The following SBF1 variants were observed in gnomAD, a reference collection of about 807,000 sequenced individuals.
The protein encoded by SBF1 is myotubularin-related protein 5.
SBF1 carries 65 observed loss-of-function variants against 215.8 expected under a neutral mutation model. That is an observed-to-expected ratio of 0.30 (90% CI 0.25 to 0.37). The LOEUF (loss-of-function observed/expected upper bound fraction) is 0.37, where lower values mean the gene tolerates loss of function less well. SBF1 is among the 10% of genes least tolerant of loss of function. The probability of loss-of-function intolerance (pLI) is 1.00; values close to 1 mark genes in which losing one functional copy is unlikely to be tolerated. For missense variants in SBF1, 2,634 were observed against 2,667.8 expected, an observed-to-expected ratio of 0.99 and a Z score of 0.28; for synonymous variants, 1,410 against 1,122.8, an observed-to-expected ratio of 1.26 and a Z score of -5.11.
rs537717966 is a variant in SBF1 at position 50,456,282 on chromosome 22, G to T, written c.4200C>A (p.Cys1400Ter). 1 of 1,612,772 alleles carries T rather than the reference G, an allele frequency of 6.2e-7. No homozygotes were observed. Among genetic ancestry groups the T allele is most frequent in the South Asian group, 1.1e-5 (1 of 90,994 alleles). ...KKLLKACVPG[C>*]PAAEPSPASF... The stretch of plus-strand genomic sequence containing the variant: ...AGGCTGGGCTGGGCTCAGCAGCGGG[G>T]CAGCCTGGGACACATGCTTTCAGCA... Residue 1400 changes from cysteine (C) to a stop codon, truncating the protein, a stop_gained, in exon 31 of 41, where the codon TGC becomes TGA. Coordinates refer to ENST00000380817, the MANE Select transcript of SBF1 (RefSeq NM_002972.4). LOFTEE classifies it high-confidence loss of function.
intron 36 of SBF1, among the ~76,000 whole-genome samples, chr22:50,452,673 G>C (rs2067090389): frequency 7.5e-6 from 1 of 133,280 alleles, no homozygotes; most frequent in South Asian, 2.4e-4. Flanking sequence ...AGTGAACCGA[G>C]ATCGCACCAC....
chr22:50,459,936 C>T lies in SBF1; in HGVS notation c.3491+16G>A, dbSNP rs1356432462. ...TCACGTGTCCACCACCCGGGCCAGCCCTGGCCGGCCCTCACCTGCGGCAGA... is the reference window on the plus strand; with the variant it reads ...TCACGTGTCCACCACCCGGGCCAGCTCTGGCCGGCCCTCACCTGCGGCAGA... On this transcript the variant is annotated intron_variant, in intron 26 of 40. Coordinates refer to ENST00000380817, the MANE Select transcript of SBF1 (RefSeq NM_002972.4). 2 of 1,613,138 alleles carry T rather than the reference C, an allele frequency of 1.2e-6. No homozygotes were observed. The highest frequency in any genetic ancestry group is 1.7e-6 in the Non-Finnish European group (2 of 1,179,676).
Position 50,461,526 on chromosome 22 carries a change from G to C in SBF1, c.2836C>G (p.Leu946Val). 6.3e-7 allele frequency: 1 copy of C among 1,596,126 alleles called. No homozygotes were observed. Among genetic ancestry groups the C allele is most frequent in the African/African-American group, 1.3e-5 (1 of 74,768 alleles). ...GCCAGAGAGTCTGCAGGCTCACCCA[G>C]GGGGTCCGTGGGCATCCCCGTGAAG... The part of the protein sequence containing the change: ...VIFTGMPTDP[L>V]VGEQVVVRSF... The change falls in exon 22 of 41, where the codon CTG becomes GTG. Residue 946 changes from leucine to valine, a missense_variant. Physicochemically the swap from Leu to Val is conservative, Grantham distance 32 (BLOSUM62 1). Coordinates refer to ENST00000380817, the MANE Select transcript of SBF1 (RefSeq NM_002972.4).
intron 12 of SBF1, 23 bp downstream of exon 12, chr22:50,464,978 G>A (rs770644827): frequency 3.1e-6 from 5 of 1,613,894 alleles, no homozygotes; most frequent in Non-Finnish European, 3.4e-6. Flanking sequence ...GCAGGGGGCT[G>A]GGAGGGCAGG....
intron 15 of SBF1, 57 bp from the exon 16 acceptor site, chr22:50,463,489 C>T: frequency 6.7e-7 from 1 of 1,484,224 alleles, no homozygotes. Flanking sequence ...CACTCGGGGC[C>T]CTGGCAGGGA....
Position 50,460,427 on chromosome 22 carries a change from A to G in SBF1, c.3147-19T>C. ...CAGGGTTCTGAGGCCCACGAGAGTC[A>G]GCAAAGGTGAGAGGAGGAGGGACAA... On this transcript the variant is annotated intron_variant, in intron 24 of 40. Transcript: ENST00000380817. 6.2e-7 allele frequency: 1 copy of G among 1,604,588 alleles called. No homozygotes were observed. The highest frequency in any genetic ancestry group is 8.5e-7 in the Non-Finnish European group (1 of 1,173,568).
rs115010488 is a variant in SBF1, at chr22:50,461,150, G to T, written c.2967+9C>A. On this transcript the variant is annotated intron_variant, in intron 23 of 40. Coordinates refer to ENST00000380817, the MANE Select transcript of SBF1 (RefSeq NM_002972.4). The stretch of plus-strand genomic sequence containing the variant: ...GGGATGAGAGCCCCACCCGCGCACC[G>T]CGCCCCACCTGGAATGTGCAGGAGC... The T allele has an allele frequency of 5.6e-5, 89 of 1,589,492 alleles. No homozygotes were observed. Among genetic ancestry groups the T allele is most frequent in the Middle Eastern group, 4.5e-4 (2 of 4,480 alleles).
chr22:50,466,960 G>A (rs1045942399), intron 5 of SBF1: 2 of 556,768 alleles, frequency 3.6e-6, no homozygotes, highest in African/African-American at 1.9e-5. Flanking sequence ...GTGGGCGGAA[G>A]AAACAAAGAA....
intron 1 of SBF1, among the ~76,000 whole-genome samples, chr22:50,474,476 ACCAGGCCCGCGCGGCCACGCCGCCC>A (rs1357565591): frequency 2.6e-5 from 4 of 152,042 alleles, no homozygotes; most frequent in Non-Finnish European, 5.9e-5. Flanking sequence ...CCCTGCCGCC[ACCAGGCCCGCGCGGCCACGCCGCCC>A]CCAGCGGACG....
chr22:50,466,939 A>T, intron 5 of SBF1: 1 of 563,768 alleles, frequency 1.8e-6, no homozygotes, highest in Non-Finnish European at 3.1e-6. Context: ...GGGGGTAGGG[A>T]TGGGGCCTAG....
In SBF1 at chr22:50,472,803, T is replaced by C. The variant is rs139496947; in HGVS notation, c.55+1983A>G. Among the ~76,000 whole-genome samples the C allele has an allele frequency of 7.0e-4, 107 of 152,202 alleles. 2 individuals carry two copies. Among genetic ancestry groups the C allele is most frequent in the Admixed American group, 6.2e-3 (95 of 15,304 alleles). ...AGCCCATGACCAGGGTCCCAGTCTA[T>C]AGCCTTGTTCCCCTCAAGAATGAAC... is the stretch of plus-strand genomic sequence containing the variant. On this transcript the variant is annotated intron_variant, in intron 1 of 40. Transcript: ENST00000380817.
intron 15 of SBF1, 108 bp downstream of exon 15, chr22:50,464,221 G>C (rs532853575): frequency 3.2e-6 from 3 of 925,784 alleles, no homozygotes; most frequent in African/African-American, 1.6e-5. Context: ...CTGTCTGTTA[G>C]GCAGAGGAGG....
Position 50,465,027 on chromosome 22 carries a change from A to G in SBF1, c.1306T>C (p.Tyr436His). The change falls in exon 12 of 41, where the codon TAC (tyrosine) becomes CAC (histidine). Residue 436 changes from tyrosine (Y) to histidine (H), a missense_variant. Coordinates refer to ENST00000380817, the MANE Select transcript of SBF1 (RefSeq NM_002972.4). ...AGFVSERGVPYRPTDLFDELV... is the reference protein window; with the variant it reads ...AGFVSERGVPHRPTDLFDELV... The stretch of plus-strand genomic sequence containing the variant: ...TCATCGAACAGGTCCGTAGGGCGGT[A>G]TGGGACCCCACGCTCTGACACAAAG... The G allele has an allele frequency of 1.2e-6, 2 of 1,613,972 alleles. No individual in the cohort carries two copies. The highest frequency in any genetic ancestry group is 2.2e-5 in the South Asian group (2 of 91,082).
intron 1 of SBF1, among the ~76,000 whole-genome samples, chr22:50,471,942 C>CA (rs1372226113): frequency 2.0e-5 from 3 of 152,254 alleles, no homozygotes; most frequent in Non-Finnish European, 2.9e-5. Flanking sequence ...CCCCTCCTCC[C>CA]AGGCAGATGC....
rs1342077519 is a variant in SBF1, at chr22:50,459,392, C to T, written c.3689G>A (p.Gly1230Asp). Residue 1230 changes from glycine (G) to aspartate (D), a missense_variant and splice_region_variant, in exon 28 of 41, where the codon GGC (glycine) becomes GAC (aspartate). Physicochemically the swap from Gly to Asp is moderately conservative, Grantham distance 94. Transcript: ENST00000380817. ...LFKAQNAPSP[G>D]QSQADSSSLE... ...GCTACTCGAGTCCGCCTGGGACTGG[C>T]CTGGGGGAGGACACGGAGCTGAGGG... The T allele has an allele frequency of 6.2e-7, 1 of 1,611,958 alleles. No individual in the cohort carries two copies. The highest frequency in any genetic ancestry group is 8.5e-7 in the Non-Finnish European group (1 of 1,179,192).
Position 50,456,692 on chromosome 22 carries a change from G to C in SBF1, c.3905-19C>G. 6.2e-6 allele frequency: 9 copies of C among 1,457,958 alleles called. No individual in the cohort carries two copies. The highest frequency in any genetic ancestry group is 8.2e-6 in the Non-Finnish European group (9 of 1,102,336). The allele number at this position is 1,457,958 out of a possible 1,614,324, so 90.3% of individuals were successfully genotyped here. On this transcript the variant is annotated intron_variant, in intron 29 of 40. Coordinates refer to ENST00000380817, the MANE Select transcript of SBF1 (RefSeq NM_002972.4). ...CACTTACCTGTGAAGGAGATGCCAG[G>C]TAAGCACCCAAAGGGGGCCAGGGCA...
intron 29 of SBF1, 42 bp downstream of exon 29, chr22:50,456,991 AC>A: frequency 7.3e-7 from 1 of 1,376,888 alleles, no homozygotes; most frequent in Non-Finnish European, 9.5e-7. Flanking sequence ...GGCCGCCAGC[AC>A]CAAGTAAGGG....
In SBF1 at chr22:50,454,629, T is replaced by C. The variant is rs750465794; in HGVS notation, c.4926A>G (p.Glu1642=). ...CATCAGACCGTTCTTCCTCTGGGGG[T>C]TCAGGGGGCCCCTGGGCCAGTTCCC... ...YDWELAQGPP[E]PPEEERSDGG... Residue 1642 remains glutamate, a synonymous_variant, in exon 36 of 41, where the codon GAA becomes GAG. Transcript: ENST00000380817. 6.2e-7 allele frequency: 1 copy of C among 1,602,156 alleles called. No individual in the cohort carries two copies. The highest frequency in any genetic ancestry group is 1.1e-5 in the South Asian group (1 of 89,720).
rs368528457 is a variant in SBF1, at chr22:50,448,477, C to A, written c.5152-33G>T. On this transcript the variant is annotated intron_variant, in intron 37 of 40. Transcript: ENST00000380817. ...CAGGAGGTTGGGACTTGGGTCAGGGCTGGACAGACTCCACTTTCTCCCAGC... is the reference window on the plus strand; with the variant it reads ...CAGGAGGTTGGGACTTGGGTCAGGGATGGACAGACTCCACTTTCTCCCAGC... The A allele has an allele frequency of 5.6e-6, 9 of 1,609,962 alleles. No homozygotes were observed. The East Asian group carries it at 1.8e-4, about 32-fold the overall frequency.
Sources: allele counts gnomAD v4.1 joint callset (sites outside exome capture counted in the v4.1 genomes callset), GRCh38; gene constraint gnomAD v4.1.1; transcripts MANE v1.5; gene names NCBI Gene and HGNC (gene_info 2026-07-23, HGNC 2026-07-21).